F8: variants seen among roughly 807,000 people sequenced by gnomAD.
The protein encoded by F8 is antihemophilic factor.
Under a neutral mutation model 140.6 loss-of-function variants are expected in F8, and 12 were observed. That is an observed-to-expected ratio of 0.09 (90% confidence interval 0.05 to 0.14). F8 has a LOEUF of 0.14. Ranked by LOEUF, F8 falls within the 10% of genes least tolerant of loss-of-function variation. F8 has a pLI of 1.00. For synonymous variants in F8, 585 were observed against 614.6 expected (o/e 0.95, Z 0.71); for missense variants, 1,354 against 1,720.7 (o/e 0.79, Z 3.77).
chrX:154,947,699 T>C lies in F8; in HGVS notation c.2112A>G (p.Pro704=). The C allele has an allele frequency of 8.3e-7, 1 of 1,204,707 alleles. No homozygotes were observed. The highest frequency in any genetic ancestry group is 2.3e-4 in the Middle Eastern group (1 of 4,317). The change falls in exon 13 of 26, where the codon CCA becomes CCG. Residue 704 remains proline (P), a splice_region_variant and synonymous_variant. Coordinates refer to ENST00000360256, the MANE Select transcript of F8 (RefSeq NM_000132.4). ...TACAAGAAAAATATAATAACTAACC[T>C]GGGTTTTCCATCGACATGAAGACAG... ...GETVFMSMEN[P]GLWILGCHNS...
rs782588638 is a variant in F8 at position 154,956,921 on chromosome X, G to C, written c.1752+36C>G. On this transcript the variant is annotated intron_variant, in intron 11 of 25. Coordinates refer to ENST00000360256, the MANE Select transcript of F8 (RefSeq NM_000132.4). ...CAGGTTATAAGGGGACATACACTGA[G>C]AATGAAACCCAGCACTTGGAAAGGC... The C allele has an allele frequency of 2.8e-5, 31 of 1,100,090 alleles. No individual in the cohort carries two copies. The African/African-American group carries it at 5.6e-4, about 20-fold the overall frequency. The allele number at this position is 1,100,090 out of a possible 1,213,427, so 90.7% of individuals were successfully genotyped here.
chrX:154,866,746 G>T (rs2072733827), intron 22 of F8, among the ~76,000 whole-genome samples: 2 of 107,601 alleles, frequency 1.9e-5, no homozygotes, highest in African/African-American at 6.8e-5. Flanking sequence ...TTAAAAAGAA[G>T]AAACATATGA....
chrX:155,020,236 T>A (rs1009025821), intron 1 of F8, among the ~76,000 whole-genome samples: 1 of 112,037 alleles, frequency 8.9e-6, no homozygotes, highest in Non-Finnish European at 1.9e-5. Flanking sequence ...TATGCTAATA[T>A]ATATGAGAAC....
chrX:155,021,974 T>C (rs1462155260), intron 1 of F8, among the ~76,000 whole-genome samples: 1 of 111,391 alleles, frequency 9.0e-6, no homozygotes, highest in African/African-American at 3.3e-5. Context: ...ACACCCAAAG[T>C]AGGAAAAGAT....
chrX:154,999,604 C>A lies in F8; in HGVS notation c.144-4G>T. 5 of 1,201,484 alleles carry A rather than the reference C, an allele frequency of 4.2e-6. No homozygotes were observed. Among genetic ancestry groups the A allele is most frequent in the Non-Finnish European group, 5.6e-6 (5 of 888,889 alleles). On this transcript the variant is annotated splice_polypyrimidine_tract_variant and splice_region_variant and intron_variant, in intron 1 of 25. Coordinates refer to ENST00000360256, the MANE Select transcript of F8 (RefSeq NM_000132.4). ...TTTTGGCACTCTAGGAGGAAATCTGCGTGAAGAAAGGAAAAAGTCGTTCAT... is the reference window on the plus strand; with the variant it reads ...TTTTGGCACTCTAGGAGGAAATCTGAGTGAAGAAAGGAAAAAGTCGTTCAT...
intron 12 of F8, among the ~76,000 whole-genome samples, chrX:154,949,373 T>G (rs1557280560): frequency 8.9e-6 from 1 of 112,454 alleles, no homozygotes; most frequent in Non-Finnish European, 1.9e-5. Context: ...TAAACCTCAC[T>G]TCCAATTTCT....
At chrX:154,940,483 C>T (rs1462147684) in intron 13 of F8, among the ~76,000 whole-genome samples, 1 of 111,834 alleles carries the variant, frequency 8.9e-6, no homozygotes, top group Non-Finnish European at 1.9e-5. Context: ...TAAAAAGAAA[C>T]AAACGAAGCC....
In F8 at chrX:154,966,586, C is replaced by T. The variant is rs782643470; in HGVS notation, c.1111G>A (p.Asp371Asn). 1 of 1,209,384 alleles carries T rather than the reference C, an allele frequency of 8.3e-7. No homozygotes were observed. Among genetic ancestry groups the T allele is most frequent in the South Asian group, 1.8e-5 (1 of 56,746 alleles). ...AACCTGACCACATCCATTTCAGAATCAGTAAGATCATCATCATAGTCTTCC... is the reference window on the plus strand; with the variant it reads ...AACCTGACCACATCCATTTCAGAATTAGTAAGATCATCATCATAGTCTTCC... Reference protein sequence around the residue: ...EAEDYDDDLTDSEMDVVRFDD... With the variant: ...EAEDYDDDLTNSEMDVVRFDD... Residue 371 changes from aspartate (D) to asparagine (N), a missense_variant, in exon 8 of 26, where the codon GAT (aspartate) becomes AAT (asparagine). By Grantham distance (23) the Asp-to-Asn change is conservative (BLOSUM62 1). Around this residue, in one of 4 missense-constraint regions of F8, gnomAD observed 252 missense variants for 338.5 expected, o/e 0.74. Coordinates refer to ENST00000360256, the MANE Select transcript of F8 (RefSeq NM_000132.4).
intron 1 of F8, among the ~76,000 whole-genome samples, chrX:155,001,345 C>T (rs1557285600): frequency 2.3e-5 from 2 of 86,054 alleles, no homozygotes; most frequent in African/African-American, 9.2e-5. Flanking sequence ...GACAGGGTCT[C>T]ACTCTGTTGC....
rs1451629083 is a variant in F8 at position 154,947,810 on chromosome X, G to A, written c.2001C>T (p.Phe667=). The change falls in exon 13 of 26, where the codon TTC becomes TTT. Residue 667 remains phenylalanine, a synonymous_variant. Transcript: ENST00000360256. ...TATATCCAGAGAAGAAGACAGAAAG[G>A]AAGTCAGTCTGTGCTCCAATGCTTA... ...YILSIGAQTD[F]LSVFFSGYTF... is the part of the protein sequence containing the mutation. The A allele has an allele frequency of 3.3e-6, 4 of 1,206,582 alleles. No individual in the cohort carries two copies. The African/African-American group carries it at 5.3e-5, about 16-fold the overall frequency.
intron 25 of F8, among the ~76,000 whole-genome samples, chrX:154,856,421 T>A (rs782638714): frequency 6.2e-5 from 7 of 112,169 alleles, no homozygotes; most frequent in Non-Finnish European, 1.1e-4. Flanking sequence ...AAGGTAAGTG[T>A]GGTTACCATA....
At chrX:154,871,446 A>T (rs1375946275) in intron 22 of F8, among the ~76,000 whole-genome samples, 1 of 112,439 alleles carries the variant, frequency 8.9e-6, no homozygotes, top group Non-Finnish European at 1.9e-5. Flanking sequence ...AGCAATGGGG[A>T]AAAGATTCCC....
At chrX:154,963,736 T>C (rs1189416691) in intron 9 of F8, among the ~76,000 whole-genome samples, 4 of 112,071 alleles carry the variant, frequency 3.6e-5, no homozygotes, top group African/African-American at 1.3e-4. Flanking sequence ...TTTGAGGTAA[T>C]GTTTAAGTGT....
intron 1 of F8, among the ~76,000 whole-genome samples, chrX:155,013,124 T>G (rs782461198): frequency 1.2e-5 from 1 of 83,284 alleles, no homozygotes; most frequent in Admixed American, 1.7e-4. Context: ...CCAGCCTGGG[T>G]GACAGAGCGA....
chrX:154,989,778 T>C (rs1184977466), intron 4 of F8, among the ~76,000 whole-genome samples: 1 of 112,099 alleles, frequency 8.9e-6, no homozygotes, highest in East Asian at 2.8e-4. Flanking sequence ...TTAAGTTCCA[T>C]CCCCAAGCTA....
chrX:154,947,217 T>C (rs1296782022), intron 13 of F8, among the ~76,000 whole-genome samples: 1 of 63,177 alleles, frequency 1.6e-5, no homozygotes, highest in African/African-American at 7.2e-5. Flanking sequence ...AGAGCGAGAC[T>C]CCGTCTGAAA....
At chrX:154,874,452 T>A (rs1302459209) in intron 22 of F8, among the ~76,000 whole-genome samples, 2 of 112,622 alleles carry the variant, frequency 1.8e-5, no homozygotes, top group African/African-American at 6.4e-5. Flanking sequence ...GGCAAAGGCC[T>A]TCTTTCTATA....
intron 16 of F8, 143 bp downstream of exon 16, chrX:154,904,668 G>A (rs1032356229): frequency 2.7e-6 from 2 of 747,872 alleles, no homozygotes; most frequent in African/African-American, 4.2e-5. Flanking sequence ...ATTCCAGAAT[G>A]ACATTTCTAA....
Position 154,862,993 on chromosome X carries a change from A to G in F8, c.6574+90T>C, listed in dbSNP as rs1436873837. ...GACAATTTTGTGTCCTGATACCGGG[A>G]ACCCCTCCCCCAGTCTCAGGATAAC... On this transcript the variant is annotated intron_variant, in intron 23 of 25. Coordinates refer to ENST00000360256, the MANE Select transcript of F8 (RefSeq NM_000132.4). The G allele has an allele frequency of 2.9e-6, 3 of 1,027,707 alleles. No homozygotes were observed. In the African/African-American group the frequency reaches 5.6e-5, roughly 19 times the overall value. The allele number at this position is 1,027,707 out of a possible 1,213,427, so 84.7% of individuals were successfully genotyped here. A position where few individuals can be genotyped will look rare whatever the true frequency, so the allele number is the denominator to read the frequency against.
Sources: gnomAD v4.1 joint callset for allele counts (sites outside exome capture counted in the v4.1 genomes callset) on GRCh38, gnomAD v4.1.1 for gene constraint, gnomAD v4.1.1 regional missense constraint, MANE v1.5 for transcripts, NCBI Gene and HGNC (gene_info 2026-07-23, HGNC 2026-07-21) for gene names.